ERC1: variants seen among roughly 807,000 people sequenced by gnomAD.
The protein encoded by ERC1 is ELKS/RAB6-interacting/CAST family member 1, also known as RAB6 interacting protein 2.
ERC1 carries 56 observed loss-of-function variants against 132.0 expected under a neutral mutation model. The observed-to-expected ratio is 0.42, with a 90% CI of 0.34 to 0.53. The LOEUF is 0.53. ERC1 is among the 20% of genes least tolerant of loss of function. The pLI is 0.03. For synonymous variants in ERC1, 478 were observed against 476.1 expected, an observed-to-expected ratio of 1.00 and a Z score of -0.05; for missense variants, 1,202 against 1,349.9, an observed-to-expected ratio of 0.89 and a Z score of 1.72.
At chr12:1,303,681 C>A (rs1056663890) in intron 15 of ERC1, among the ~76,000 whole-genome samples, 4 of 151,384 alleles carry the variant, frequency 2.6e-5, no homozygotes, top group Non-Finnish European at 5.9e-5. Context: ...ATCGGCCAGG[C>A]GTGGTGGCTC....
chr12:1,296,401 CTTTTTTTTTTTTTT>C (rs57458560), intron 15 of ERC1, among the ~76,000 whole-genome samples: 1 of 76,204 alleles, frequency 1.3e-5, no homozygotes, highest in African/African-American at 5.7e-5. Context: ...ATTGGATAGT[CTTTTTTTTTTTTTT>C]TTTTTTTTTT....
chr12:1,367,414 G>A (rs1331955153), intron 15 of ERC1, among the ~76,000 whole-genome samples: 1 of 152,182 alleles, frequency 6.6e-6, no homozygotes, highest in Non-Finnish European at 1.5e-5. Context: ...TGGAGGAGGA[G>A]CGAATAATAA....
intron 15 of ERC1, among the ~76,000 whole-genome samples, chr12:1,360,999 G>T (rs1377800803): frequency 6.6e-6 from 1 of 151,408 alleles, no homozygotes; most frequent in Non-Finnish European, 1.5e-5. Context: ...GGATGCTGAT[G>T]TGGGAGAATC....
chr12:1,435,273 G>C (rs1048208969), intron 17 of ERC1, among the ~76,000 whole-genome samples: 1 of 152,164 alleles, frequency 6.6e-6, no homozygotes, highest in Non-Finnish European at 1.5e-5. Context: ...TTTTTAGTGC[G>C]TGTGTGGAGT....
At chr12:1,410,549 C>T (rs1168336768) in intron 17 of ERC1, 1 of 391,028 alleles carries the variant, frequency 2.6e-6, no homozygotes, top group Non-Finnish European at 4.6e-6. Flanking sequence ...CTCTGTAATT[C>T]ATGAAATCCC....
rs80124940 is a variant in ERC1, at chr12:1,459,642, G to A, written c.3213+14892G>A. Among the ~76,000 whole-genome samples, 830 of 152,316 alleles carry A rather than the reference G, an allele frequency of 5.4e-3. 9 individuals carry two copies. Among genetic ancestry groups the A allele is most frequent in the African/African-American group, 0.019 (785 of 41,560 alleles). ...ATCATCAATGAATGTGAAAACACCA[G>A]GTGAAGGTTGACTAAGAACAGACTA... On this transcript the variant is annotated intron_variant, in intron 18 of 18. Transcript: ENST00000360905.
In ERC1 at chr12:1,141,643, G is replaced by T; in HGVS notation, c.1593G>T (p.Leu531Phe). Reference sequence around the variant, plus strand: ...AGGTGGATGCTCTCCGATTGCGTTTGGAAGAGAAGGAAACCATGTTGAATA... The same window carrying T: ...AGGTGGATGCTCTCCGATTGCGTTTTGAAGAGAAGGAAACCATGTTGAATA... ...QTEVDALRLR[L>F]EEKETMLNKK... The change falls in exon 8 of 19, where the codon TTG becomes TTT. Residue 531 changes from leucine to phenylalanine, a missense_variant. Transcript: ENST00000360905. The T allele has an allele frequency of 1.2e-6, 2 of 1,610,894 alleles. No individual in the cohort carries two copies. The highest frequency in any genetic ancestry group is 1.7e-6 in the Non-Finnish European group (2 of 1,178,376).
chr12:1,148,527 G>A (rs1020427067), intron 8 of ERC1, among the ~76,000 whole-genome samples: 3 of 152,144 alleles, frequency 2.0e-5, no homozygotes, highest in Non-Finnish European at 4.4e-5. Context: ...AAACTTTTAT[G>A]TGTCTTAAAA....
rs149285808 is a variant in ERC1 at position 1,122,984 on chromosome 12, G to A, written c.1569+6951G>A. Among the ~76,000 whole-genome samples, 243 of 152,246 alleles carry A rather than the reference G, an allele frequency of 1.6e-3. 3 individuals carry two copies. Among genetic ancestry groups the A allele is most frequent in the African/African-American group, 5.2e-3 (215 of 41,544 alleles). On this transcript the variant is annotated intron_variant, in intron 7 of 18. Transcript: ENST00000360905. ...CGGTACAGATGATCATGCCAGAGGC[G>A]TTCTGATCTGGGAGGCTTGCTTCCT...
At chr12:1,394,236 T>C (rs2090319474) in intron 16 of ERC1, among the ~76,000 whole-genome samples, 2 of 147,470 alleles carry the variant, frequency 1.4e-5, no homozygotes, top group Non-Finnish European at 1.5e-5. Flanking sequence ...CCATCTCTAC[T>C]AAAAATACAA....
chr12:1,124,523 G>C (rs1947929209), intron 7 of ERC1, among the ~76,000 whole-genome samples: 1 of 152,082 alleles, frequency 6.6e-6, no homozygotes, highest in African/African-American at 2.4e-5. Flanking sequence ...GCAGTATTTA[G>C]AGGGAAATAG....
chr12:1,162,543 G>A (rs1951980993), intron 8 of ERC1, among the ~76,000 whole-genome samples: 1 of 151,510 alleles, frequency 6.6e-6, no homozygotes, highest in African/African-American at 2.4e-5. Context: ...GTTTTGGGTA[G>A]GAGGTCAGAA....
intron 17 of ERC1, chr12:1,410,322 C>G (rs984164494): frequency 7.7e-6 from 5 of 647,792 alleles, no homozygotes; most frequent in Non-Finnish European, 9.8e-6. Context: ...GTTTTAAATA[C>G]TAACCACCTC....
chr12:1,274,596 A>G (rs1292546555), intron 14 of ERC1, among the ~76,000 whole-genome samples: 2 of 151,876 alleles, frequency 1.3e-5, no homozygotes, highest in Non-Finnish European at 2.9e-5. Context: ...AGGTTCAAGC[A>G]ATTCTTCTGC....
intron 17 of ERC1, among the ~76,000 whole-genome samples, chr12:1,434,708 A>G (rs1395881237): frequency 6.6e-6 from 1 of 152,228 alleles, no homozygotes; most frequent in Non-Finnish European, 1.5e-5. Flanking sequence ...TGGGTGTTAC[A>G]TACACCCAAA....
intron 17 of ERC1, among the ~76,000 whole-genome samples, chr12:1,418,600 TTTC>T (rs1358618989): frequency 5.0e-5 from 2 of 40,310 alleles, no homozygotes; most frequent in East Asian, 9.8e-4. Context: ...TCTTTCTTTC[TTTC>T]TTTCTTTCTT....
chr12:1,253,983 C>G (rs931861957), intron 13 of ERC1, among the ~76,000 whole-genome samples: 4 of 152,188 alleles, frequency 2.6e-5, no homozygotes, highest in Admixed American at 2.6e-4. Context: ...CACAAACCTC[C>G]TGCCGTGAAC....
intron 12 of ERC1, among the ~76,000 whole-genome samples, chr12:1,214,198 G>T (rs1958156276): frequency 6.6e-6 from 1 of 152,104 alleles, no homozygotes; most frequent in Non-Finnish European, 1.5e-5. Flanking sequence ...AACAGTATTT[G>T]CTTATAATTT....
At chr12:1,130,614 A>G (rs1206970143) in intron 7 of ERC1, among the ~76,000 whole-genome samples, 2 of 141,590 alleles carry the variant, frequency 1.4e-5, no homozygotes, top group African/African-American at 5.2e-5. Flanking sequence ...CAGAATATAA[A>G]TTTGCGAAAC....
Sources: allele counts gnomAD v4.1 joint callset (sites outside exome capture counted in the v4.1 genomes callset), GRCh38; gene constraint gnomAD v4.1.1; transcripts MANE v1.5; gene names NCBI Gene and HGNC (gene_info 2026-07-23, HGNC 2026-07-21).